The following PAFAH1B2 variants were observed in gnomAD, a reference collection of about 807,000 sequenced individuals.
PAFAH1B2 encodes the protein platelet activating factor acetylhydrolase 1b catalytic subunit 2.
Under a neutral mutation model 28.0 loss-of-function variants are expected in PAFAH1B2, and 8 were observed. That is an observed-to-expected ratio of 0.29 (90% CI 0.17 to 0.52). The LOEUF is 0.52. Among genes scored for constraint, PAFAH1B2 ranks in the 20% least tolerant of loss-of-function variants. The pLI, the probability that PAFAH1B2 is intolerant of heterozygous loss-of-function variation, is 0.97. For missense variants in PAFAH1B2, 190 were observed against 282.6 expected, an observed-to-expected ratio of 0.67 and a Z score of 2.35; for synonymous variants, 104 against 103.2, an observed-to-expected ratio of 1.01 and a Z score of -0.05.
At chr11:117,171,078 G>A (rs183690605), downstream of PAFAH1B2, 1,125 of 1,021,592 alleles carry the variant, frequency 1.1e-3, 3 homozygotes, top group Middle Eastern at 0.017. Flanking sequence ...CTTTATCATA[G>A]TTTGGATTCT....
chr11:117,171,819 C>A, downstream of PAFAH1B2: 1 of 1,169,492 alleles, frequency 8.6e-7, no homozygotes, highest in Non-Finnish European at 1.2e-6. Flanking sequence ...TTTGCTTTAT[C>A]ACTGTTCACC....
In PAFAH1B2 at chr11:117,160,010, T is replaced by C. The variant is rs1956339014; in HGVS notation, c.158T>C (p.Met53Thr). The C allele has an allele frequency of 6.2e-7, 1 of 1,611,846 alleles. No homozygotes were observed. The highest frequency in any genetic ancestry group is 8.5e-7 in the Non-Finnish European group (1 of 1,178,012). ...GTGGGAGACTCCATGGTGCAGTTAA[T>C]GCAGCAATATGAGGTAAAGGTGGAA... Reference protein sequence around the residue: ...LFVGDSMVQLMQQYEIWRELF... With the variant: ...LFVGDSMVQLTQQYEIWRELF... Residue 53 changes from methionine (M) to threonine (T), a missense_variant, in exon 3 of 6, where the codon ATG becomes ACG. Coordinates refer to ENST00000527958, the MANE Select transcript of PAFAH1B2 (RefSeq NM_002572.4).
At chr11:117,174,329 GCC>G (rs1956735199), downstream of PAFAH1B2, among the ~76,000 whole-genome samples, 1 of 147,110 alleles carries the variant, frequency 6.8e-6, no homozygotes, top group Non-Finnish European at 1.5e-5. Context: ...GATTACAGGC[GCC>G]TGCCACCACA....
downstream of PAFAH1B2, chr11:117,171,181 A>G (rs1468658029): frequency 3.8e-6 from 2 of 531,610 alleles, no homozygotes; most frequent in Non-Finnish European, 4.9e-6. Context: ...TGAATGCACC[A>G]GGCTGACTCA....
In PAFAH1B2 at chr11:117,168,127, G is replaced by A; in HGVS notation, c.*428G>A. ...ACATGTTTTCTCCAATTTTTTTAAGGTTCATAATTTAGCCTTTTGTTTTTA... is the reference window on the plus strand; with the variant it reads ...ACATGTTTTCTCCAATTTTTTTAAGATTCATAATTTAGCCTTTTGTTTTTA... On this transcript the variant is annotated 3_prime_UTR_variant, in exon 6 of 6. Coordinates refer to ENST00000527958, the MANE Select transcript of PAFAH1B2 (RefSeq NM_002572.4). 9.5e-7 allele frequency: 1 copy of A among 1,052,666 alleles called. No individual in the cohort carries two copies. Among genetic ancestry groups the A allele is most frequent in the Non-Finnish European group, 1.1e-6 (1 of 870,210 alleles). 65.2% of individuals were successfully genotyped at this position (1,052,666 alleles called of 1,614,324 possible).
chr11:117,175,291 C>T (rs2029911481), downstream of PAFAH1B2: 10 of 1,073,706 alleles, frequency 9.3e-6, no homozygotes, highest in Non-Finnish European at 7.9e-6. Flanking sequence ...CTTTGAGACA[C>T]ACCACTGCCT....
chr11:117,144,551 T>C (rs1955946314), intron 1 of PAFAH1B2, 133 bp downstream of exon 1: 3 of 149,452 alleles, frequency 2.0e-5, no homozygotes, highest in African/African-American at 7.6e-5. Flanking sequence ...CGCCGCCCCA[T>C]CCACTTGGGG....
intron 5 of PAFAH1B2, chr11:117,164,168 G>T: frequency 4.3e-6 from 1 of 230,388 alleles, no homozygotes; most frequent in Non-Finnish European, 8.6e-6. Flanking sequence ...AGCACTTTGG[G>T]AGGCCAAGGT....
At chr11:117,174,848 C>A (rs765601434), downstream of PAFAH1B2, 21 of 1,292,624 alleles carry the variant, frequency 1.6e-5, no homozygotes, top group Non-Finnish European at 2.0e-5. Context: ...CTCCTGACTT[C>A]AGATGATCCA....
downstream of PAFAH1B2, among the ~76,000 whole-genome samples, chr11:117,174,155 T>A (rs1398758194): frequency 6.8e-6 from 1 of 146,148 alleles, no homozygotes; most frequent in Admixed American, 7.1e-5. Flanking sequence ...AGTGCAGTCT[T>A]CATGTCTTTT....
chr11:117,167,801 A>G lies in PAFAH1B2; in HGVS notation c.*102A>G. 2.3e-6 allele frequency: 3 copies of G among 1,317,094 alleles called. No individual in the cohort carries two copies. The highest frequency in any genetic ancestry group is 2.9e-6 in the Non-Finnish European group (3 of 1,025,494). 81.6% of individuals were successfully genotyped at this position (1,317,094 alleles called of 1,614,324 possible). On this transcript the variant is annotated 3_prime_UTR_variant, in exon 6 of 6. Coordinates refer to ENST00000527958, the MANE Select transcript of PAFAH1B2 (RefSeq NM_002572.4). ...TTCTTAAGGCACTTTGCATTGTAGA[A>G]TGTTCCTGGATGTTCATATCTAGTG...
chr11:117,153,726 T>C (rs1956204477), intron 2 of PAFAH1B2, among the ~76,000 whole-genome samples: 1 of 152,068 alleles, frequency 6.6e-6, no homozygotes, highest in South Asian at 2.1e-4. Context: ...TATACTAACG[T>C]AGTGGGTTTT....
chr11:117,167,253 T>TA (rs1956532689), intron 5 of PAFAH1B2, among the ~76,000 whole-genome samples, 168 bp from the exon 6 acceptor site: 1 of 152,110 alleles, frequency 6.6e-6, no homozygotes, highest in Non-Finnish European at 1.5e-5. Flanking sequence ...ATGAAAAAAC[T>TA]AAGAAGAAAT....
chr11:117,157,540 C>G (rs1284696806), intron 2 of PAFAH1B2, among the ~76,000 whole-genome samples: 1 of 152,182 alleles, frequency 6.6e-6, no homozygotes, highest in Non-Finnish European at 1.5e-5. Context: ...ACAGCCTCAT[C>G]TGCATTGGTA....
At chr11:117,152,197 C>T (rs1462391897) in intron 1 of PAFAH1B2, among the ~76,000 whole-genome samples, 1 of 152,124 alleles carries the variant, frequency 6.6e-6, no homozygotes, top group Non-Finnish European at 1.5e-5. Flanking sequence ...TTTAAATGTA[C>T]TGCACTGCAA....
chr11:117,146,571 C>T (rs1052481670), intron 1 of PAFAH1B2, among the ~76,000 whole-genome samples: 6 of 152,124 alleles, frequency 3.9e-5, no homozygotes, highest in Admixed American at 1.3e-4. Context: ...CGTGGGCCTG[C>T]AGTACCAGTT....
At chr11:117,150,439 T>C (rs1424492500) in intron 1 of PAFAH1B2, among the ~76,000 whole-genome samples, 1 of 151,836 alleles carries the variant, frequency 6.6e-6, no homozygotes. Context: ...CATGAGCCAC[T>C]GCACCCAGCC....
At position 117,144,730 on chromosome 11, in the gene PAFAH1B2, C is replaced by T. The variant is rs546064204; in HGVS notation, c.-8+312C>T. ...CACGGCCTTTCCCAGGAGGGTAGCGCGGCGGGCGCCCCGCCCCGCCCTGCC... is the reference window on the plus strand; with the variant it reads ...CACGGCCTTTCCCAGGAGGGTAGCGTGGCGGGCGCCCCGCCCCGCCCTGCC... On this transcript the variant is annotated intron_variant, in intron 1 of 5. Coordinates refer to ENST00000527958, the MANE Select transcript of PAFAH1B2 (RefSeq NM_002572.4). 2.3e-4 allele frequency among the ~76,000 whole-genome samples: 35 copies of T among 152,144 alleles called. No individual in the cohort carries two copies. The South Asian group carries it at 4.6e-3, about 20-fold the overall frequency.
Position 117,152,517 on chromosome 11 carries a change from T to C in PAFAH1B2, c.70T>C (p.Trp24Arg), listed in dbSNP as rs1565262834. ...AAEDIQGDDR[W>R]MSQHNRFVLD... Reference sequence around the variant, plus strand: ...AGAAGATATTCAAGGAGATGACCGATGGATGTCTCAGGTAAAAGGAAGTGC... The same window carrying C: ...AGAAGATATTCAAGGAGATGACCGACGGATGTCTCAGGTAAAAGGAAGTGC... The change falls in exon 2 of 6, where the codon TGG becomes CGG. Residue 24 changes from tryptophan to arginine, a missense_variant. Trp to Arg is a moderately radical substitution (Grantham distance 101, BLOSUM62 -3). Transcript: ENST00000527958. 1 of 1,609,010 alleles carries C rather than the reference T, an allele frequency of 6.2e-7. No homozygotes were observed.
Sources: allele counts gnomAD v4.1 joint callset (sites outside exome capture counted in the v4.1 genomes callset), GRCh38; gene constraint gnomAD v4.1.1; transcripts MANE v1.5; gene names NCBI Gene and HGNC (gene_info 2026-07-23, HGNC 2026-07-21).